KIRREL3: variants seen among roughly 807,000 people sequenced by gnomAD.
The protein encoded by KIRREL3 is kin of IRRE-like protein 3.
KIRREL3 carries 36 observed loss-of-function variants against 89.7 expected under a neutral mutation model. The ratio of observed to expected loss-of-function variants is 0.40; its 90% CI spans 0.31 to 0.53. The LOEUF (loss-of-function observed/expected upper bound fraction) is 0.53, where lower values mean the gene tolerates loss of function less well. Ranked by LOEUF, KIRREL3 falls within the 20% of genes least tolerant of loss-of-function variation. KIRREL3 has a pLI of 0.49. For missense variants in KIRREL3, 864 were observed against 1,056.6 expected, an observed-to-expected ratio of 0.82 and a Z score of 2.53; for synonymous variants, 445 against 441.4, an observed-to-expected ratio of 1.01 and a Z score of -0.10.
chr11:126,795,560 A>G lies in KIRREL3; in HGVS notation c.55+204895T>C, dbSNP rs1436148118. The stretch of plus-strand genomic sequence containing the variant: ...AATTTTTTTAAAATATATTTTTAGT[A>G]GAGACGGGGTTTCTACTAAAACCCT... On this transcript the variant is annotated intron_variant, in intron 1 of 16. Transcript: ENST00000525144. The surrounding 1 kb of genome is among the most constrained non-coding windows in gnomAD (Gnocchi z 4.1). 2.0e-5 allele frequency among the ~76,000 whole-genome samples: 3 copies of G among 151,972 alleles called. No individual in the cohort carries two copies. Among genetic ancestry groups the G allele is most frequent in the African/African-American group, 7.3e-5 (3 of 41,364 alleles).
At chr11:126,465,314 A>G (rs1215667155) in intron 5 of KIRREL3, among the ~76,000 whole-genome samples, 2 of 152,168 alleles carry the variant, frequency 1.3e-5, no homozygotes, top group African/African-American at 4.8e-5. Context: ...TGATTAGCCA[A>G]AGAGAAACCT....
rs753102718 is a variant in KIRREL3, at chr11:126,455,321, C to T, written c.848+1028G>A. Among the ~76,000 whole-genome samples, 22 of 152,174 alleles carry T rather than the reference C, an allele frequency of 1.4e-4. No homozygotes were observed. The South Asian group carries it at 1.9e-3, about 13-fold the overall frequency. The stretch of plus-strand genomic sequence containing the variant: ...CTAGAGTCTTGTGCAGTGACAGTGC[C>T]CAGGCAGAAAGGCGCCCAGAGGAAG... On this transcript the variant is annotated intron_variant, in intron 7 of 16. Coordinates refer to ENST00000525144, the MANE Select transcript of KIRREL3 (RefSeq NM_032531.4). This position sits in a 1 kb window ranked among gnomAD's most constrained non-coding sequence, Gnocchi z 6.4.
In KIRREL3 at chr11:126,477,982, C is replaced by A. The variant is rs1251047592; in HGVS notation, c.434-4516G>T. ...TGGCAGAGTGGGTCTATCACCAACA[C>A]CAAACCCTCCAGGGGCTTCCCGCTG... is the stretch of plus-strand genomic sequence containing the variant. On this transcript the variant is annotated intron_variant, in intron 4 of 16. Transcript: ENST00000525144. The surrounding 1 kb of genome is among the most constrained non-coding windows in gnomAD (Gnocchi z 4.8). Among the ~76,000 whole-genome samples the A allele has an allele frequency of 6.6e-6, 1 of 152,222 alleles. No homozygotes were observed. Among genetic ancestry groups the A allele is most frequent in the East Asian group, 1.9e-4 (1 of 5,200 alleles).
intron 1 of KIRREL3, among the ~76,000 whole-genome samples, chr11:126,861,135 C>G (rs1944689901): frequency 6.6e-6 from 1 of 152,164 alleles, no homozygotes; most frequent in African/African-American, 2.4e-5. Context: ...TTCTTGATTG[C>G]TGCATTGCCC....
At chr11:126,726,815 C>A (rs1390258029) in intron 1 of KIRREL3, among the ~76,000 whole-genome samples, 4 of 152,206 alleles carry the variant, frequency 2.6e-5, no homozygotes, top group African/African-American at 7.2e-5. Context: ...GTTCTTGTGC[C>A]CTGCATCTTT....
intron 2 of KIRREL3, among the ~76,000 whole-genome samples, chr11:126,545,027 T>C (rs1265111499): frequency 6.6e-6 from 1 of 152,236 alleles, no homozygotes; most frequent in African/African-American, 2.4e-5. Flanking sequence ...GCAGTAATTA[T>C]TTGGATCAAA....
chr11:126,732,622 C>G (rs1180639538), intron 1 of KIRREL3, among the ~76,000 whole-genome samples: 1 of 152,212 alleles, frequency 6.6e-6, no homozygotes. Flanking sequence ...CTTTGAATTC[C>G]TGCTCTCTGG....
At position 126,463,170 on chromosome 11, in the gene KIRREL3, GGTGACC is replaced by G; in HGVS notation, c.723_728del (p.Val242_Thr243del). The stretch of plus-strand genomic sequence containing the variant: ...GTGGGTACTCACGCTGGATGTCAAT[GGTGACC>G]GACGTCTCCTTTCCTCCGGGGATGG... On this transcript the variant is annotated inframe_deletion, in exon 6 of 17. Transcript: ENST00000525144. This position sits in a 1 kb window ranked among gnomAD's most constrained non-coding sequence, Gnocchi z 5.9. 1 of 1,613,380 alleles carries G rather than the reference GGTGACC, an allele frequency of 6.2e-7. No homozygotes were observed. The highest frequency in any genetic ancestry group is 8.5e-7 in the Non-Finnish European group (1 of 1,179,816).
chr11:126,667,204 T>C (rs1945703354), intron 1 of KIRREL3, among the ~76,000 whole-genome samples: 1 of 152,246 alleles, frequency 6.6e-6, no homozygotes, highest in Non-Finnish European at 1.5e-5. Flanking sequence ...GTGCCACTAA[T>C]GAATTCAATC....
chr11:126,858,048 C>A (rs150891197), intron 1 of KIRREL3, among the ~76,000 whole-genome samples: 1 of 152,182 alleles, frequency 6.6e-6, no homozygotes, highest in African/African-American at 2.4e-5. Flanking sequence ...CCCCACTTAC[C>A]GTGTGAACTG....
chr11:126,941,414 T>C (rs1225754227), intron 1 of KIRREL3, among the ~76,000 whole-genome samples: 1 of 152,156 alleles, frequency 6.6e-6, no homozygotes, highest in Non-Finnish European at 1.5e-5. Flanking sequence ...CAATTAGAAG[T>C]ATACAGAGAT....
In KIRREL3 at chr11:126,555,198, C is replaced by T. The variant is rs532206020; in HGVS notation, c.133+7637G>A. ...CTTCTGCCAGAGATGAGTGACTGGC[C>T]GGTTCCAGCGTTCATTCCCTCTGGT... is the stretch of plus-strand genomic sequence containing the variant. On this transcript the variant is annotated intron_variant, in intron 2 of 16. Coordinates refer to ENST00000525144, the MANE Select transcript of KIRREL3 (RefSeq NM_032531.4). This position sits in a 1 kb window ranked among gnomAD's most constrained non-coding sequence, Gnocchi z 4.2. 2.2e-4 allele frequency among the ~76,000 whole-genome samples: 33 copies of T among 152,208 alleles called. No homozygotes were observed. The highest frequency in any genetic ancestry group is 7.7e-4 in the African/African-American group (32 of 41,536).
rs79528166 is a variant in KIRREL3, at chr11:126,624,204, C to T, written c.56-61292G>A. Reference sequence around the variant, plus strand: ...TAGAATACAGGGAGCCAGGGGGTGGCGGTGTGGCGGGGAGGAGGCCAGAAT... The same window carrying T: ...TAGAATACAGGGAGCCAGGGGGTGGTGGTGTGGCGGGGAGGAGGCCAGAAT... On this transcript the variant is annotated intron_variant, in intron 1 of 16. Coordinates refer to ENST00000525144, the MANE Select transcript of KIRREL3 (RefSeq NM_032531.4). This position sits in a 1 kb window ranked among gnomAD's most constrained non-coding sequence, Gnocchi z 6.0. Among the ~76,000 whole-genome samples, 8,238 of 152,038 alleles carry T rather than the reference C, an allele frequency of 0.054. 287 individuals carry two copies. Among genetic ancestry groups the T allele is most frequent in the Middle Eastern group, 0.1 (30 of 294 alleles).
intron 1 of KIRREL3, among the ~76,000 whole-genome samples, chr11:126,613,143 A>T (rs1591817684): frequency 6.6e-6 from 1 of 152,138 alleles, no homozygotes; most frequent in East Asian, 1.9e-4. Flanking sequence ...TTTTTATTTG[A>T]TAAAGAACTC....
At chr11:126,585,660 A>C (rs1219296970) in intron 1 of KIRREL3, among the ~76,000 whole-genome samples, 1 of 152,236 alleles carries the variant, frequency 6.6e-6, no homozygotes, top group Non-Finnish European at 1.5e-5. Context: ...TTCCACCCTC[A>C]TGCCAAGTGG....
rs1947486770 is a variant in KIRREL3, at chr11:126,705,333, T to G, written c.56-142421A>C. On this transcript the variant is annotated intron_variant, in intron 1 of 16. Transcript: ENST00000525144. This position sits in a 1 kb window ranked among gnomAD's most constrained non-coding sequence, Gnocchi z 4.3. Reference sequence around the variant, plus strand: ...AGGTGATTGGGTCATGAGGTCGGATTCCTCAGGAATGGTTTGGCACTAACC... The same window carrying G: ...AGGTGATTGGGTCATGAGGTCGGATGCCTCAGGAATGGTTTGGCACTAACC... Among the ~76,000 whole-genome samples, 1 of 152,160 alleles carries G rather than the reference T, an allele frequency of 6.6e-6. No individual in the cohort carries two copies. The highest frequency in any genetic ancestry group is 2.1e-4 in the South Asian group (1 of 4,826).
rs1050644837 is a variant in KIRREL3, at chr11:126,428,347, T to C, written c.1806+832A>G. On this transcript the variant is annotated intron_variant, in intron 15 of 16. Coordinates refer to ENST00000525144, the MANE Select transcript of KIRREL3 (RefSeq NM_032531.4). The surrounding 1 kb of genome is among the most constrained non-coding windows in gnomAD (Gnocchi z 6.4). ...CCAGGTTTCTGCTTGGACAACTAGG[T>C]AGATGATGGCCCATAAATGGGGATT... Among the ~76,000 whole-genome samples, 2 of 151,894 alleles carry C rather than the reference T, an allele frequency of 1.3e-5. No individual in the cohort carries two copies. Among genetic ancestry groups the C allele is most frequent in the African/African-American group, 4.8e-5 (2 of 41,340 alleles).
At chr11:126,671,369 G>A (rs1174911071) in intron 1 of KIRREL3, among the ~76,000 whole-genome samples, 2 of 151,842 alleles carry the variant, frequency 1.3e-5, no homozygotes, top group Non-Finnish European at 2.9e-5. Flanking sequence ...TGCCTGGTTG[G>A]TGATGAGTTT....
At chr11:126,941,841 T>C (rs1948458671) in intron 1 of KIRREL3, among the ~76,000 whole-genome samples, 1 of 152,242 alleles carries the variant, frequency 6.6e-6, no homozygotes, top group Non-Finnish European at 1.5e-5. Flanking sequence ...ACTTTCCCTC[T>C]TGCTTTCTAG....
Sources: allele counts gnomAD v4.1 joint callset (sites outside exome capture counted in the v4.1 genomes callset), GRCh38; gene constraint gnomAD v4.1.1; non-coding constraint Gnocchi (gnomAD v3.1); transcripts MANE v1.5; gene names NCBI Gene and HGNC (gene_info 2026-07-23, HGNC 2026-07-21).